Variants in FNDC3B observed in about 807,000 individuals in gnomAD.
FNDC3B encodes the protein fibronectin type III domain-containing protein 3B.
Under a neutral mutation model 151.5 loss-of-function variants are expected in FNDC3B, and 12 were observed. The ratio of observed to expected loss-of-function variants is 0.08; its 90% confidence interval spans 0.05 to 0.13. FNDC3B has a LOEUF of 0.13. FNDC3B is among the 10% of genes least tolerant of loss of function. FNDC3B has a pLI of 1.00. For missense variants in FNDC3B, 1,214 were observed against 1,505.3 expected (o/e 0.81, Z 3.20); for synonymous variants, 528 against 549.0 (o/e 0.96, Z 0.54).
At chr3:172,306,275 G>A (rs1487902254) in intron 9 of FNDC3B, among the ~76,000 whole-genome samples, 1 of 152,122 alleles carries the variant, frequency 6.6e-6, no homozygotes. Context: ...ATGAACAAGG[G>A]GAATAGGCAA....
chr3:172,258,961 G>A (rs748890850), intron 6 of FNDC3B, among the ~76,000 whole-genome samples: 3 of 152,166 alleles, frequency 2.0e-5, no homozygotes, highest in Non-Finnish European at 4.4e-5. Context: ...GCTGGAGTTG[G>A]CAGGGTTCTT....
At chr3:172,076,200 T>C (rs1250453164) in intron 1 of FNDC3B, among the ~76,000 whole-genome samples, 1 of 152,236 alleles carries the variant, frequency 6.6e-6, no homozygotes, top group Non-Finnish European at 1.5e-5. Context: ...GTCTTTCTTT[T>C]ATATTGTTTC....
chr3:172,111,930 T>A (rs1719993704), intron 1 of FNDC3B, among the ~76,000 whole-genome samples: 1 of 152,252 alleles, frequency 6.6e-6, no homozygotes, highest in Non-Finnish European at 1.5e-5. Context: ...TTTGTTCGTT[T>A]ATACTTCTTT....
At chr3:172,247,203 C>G (rs1055992136) in intron 4 of FNDC3B, among the ~76,000 whole-genome samples, 1 of 152,204 alleles carries the variant, frequency 6.6e-6, no homozygotes, top group Non-Finnish European at 1.5e-5. Context: ...TCAGTTTCAG[C>G]ACACATTAAA....
chr3:172,190,536 G>A (rs997434758), intron 3 of FNDC3B, among the ~76,000 whole-genome samples: 2 of 152,152 alleles, frequency 1.3e-5, no homozygotes, highest in African/African-American at 2.4e-5. Context: ...ATATTAAAAG[G>A]CTCAAGTGGA....
chr3:172,297,717 G>A (rs553335172), intron 8 of FNDC3B, among the ~76,000 whole-genome samples: 29 of 152,068 alleles, frequency 1.9e-4, no homozygotes, highest in East Asian at 1.2e-3. Flanking sequence ...CTCGTGATCC[G>A]CCCTCCTTGG....
chr3:172,247,908 G>A, intron 5 of FNDC3B, 132 bp downstream of exon 5: 1 of 959,440 alleles, frequency 1.0e-6, no homozygotes, highest in Non-Finnish European at 1.5e-6. Flanking sequence ...AGACTCATGG[G>A]GAATTCCTAG....
intron 9 of FNDC3B, among the ~76,000 whole-genome samples, chr3:172,304,900 A>G (rs1419584007): frequency 1.3e-5 from 2 of 151,434 alleles, no homozygotes; most frequent in African/African-American, 4.9e-5. Flanking sequence ...TCATCTGAAA[A>G]AAAAAAAAAA....
intron 23 of FNDC3B, among the ~76,000 whole-genome samples, chr3:172,372,781 G>A (rs1734944035): frequency 1.3e-5 from 2 of 152,084 alleles, no homozygotes; most frequent in African/African-American, 4.8e-5. Context: ...CAGAGTTTGG[G>A]GCCATTGGAT....
intron 14 of FNDC3B, among the ~76,000 whole-genome samples, chr3:172,333,613 T>C (rs1350394802): frequency 2.0e-5 from 3 of 151,112 alleles, no homozygotes; most frequent in African/African-American, 7.3e-5. Flanking sequence ...CAAAGTGCTG[T>C]GATTACAGGC....
Position 172,137,003 on chromosome 3 carries a change from G to A in FNDC3B, c.187+3457G>A, listed in dbSNP as rs555204249. Among the ~76,000 whole-genome samples the A allele has an allele frequency of 1.8e-3, 267 of 152,254 alleles. 2 individuals carry two copies. Among genetic ancestry groups the A allele is most frequent in the African/African-American group, 2.9e-3 (120 of 41,540 alleles). ...ACAGGCATGAGCCACCACATCCGGC[G>A]GTGTTTTTCTAAATTGAGGGGAAGG... On this transcript the variant is annotated intron_variant, in intron 3 of 25. Coordinates refer to ENST00000415807, the MANE Select transcript of FNDC3B (RefSeq NM_022763.4).
intron 1 of FNDC3B, among the ~76,000 whole-genome samples, chr3:172,054,366 C>T (rs751867090): frequency 1.3e-5 from 2 of 152,166 alleles, no homozygotes; most frequent in African/African-American, 4.8e-5. Flanking sequence ...AGCTGGCAAC[C>T]CTAAATGCGT....
At chr3:172,077,133 C>T (rs1344417643) in intron 1 of FNDC3B, among the ~76,000 whole-genome samples, 1 of 151,744 alleles carries the variant, frequency 6.6e-6, no homozygotes, top group Non-Finnish European at 1.5e-5. Flanking sequence ...GCATTTGAAA[C>T]AGATGGGAAT....
intron 13 of FNDC3B, among the ~76,000 whole-genome samples, 156 bp from the exon 14 acceptor site, chr3:172,332,933 T>C (rs1005059775): frequency 1.4e-4 from 22 of 152,228 alleles, no homozygotes; most frequent in African/African-American, 5.3e-4. Flanking sequence ...TCCACAATAC[T>C]CTGGGCTTCT....
chr3:172,076,152 G>T (rs1424215367), intron 1 of FNDC3B, among the ~76,000 whole-genome samples: 1 of 152,162 alleles, frequency 6.6e-6, no homozygotes, highest in East Asian at 1.9e-4. Flanking sequence ...GGTACCAGAA[G>T]AAATCTAATC....
intron 7 of FNDC3B, among the ~76,000 whole-genome samples, chr3:172,289,049 A>T: frequency 6.6e-6 from 1 of 152,244 alleles, no homozygotes; most frequent in Non-Finnish European, 1.5e-5. Flanking sequence ...TGAATGGCGT[A>T]AAACAGTACA....
chr3:172,205,696 A>G (rs950270794), intron 3 of FNDC3B, among the ~76,000 whole-genome samples: 2 of 152,192 alleles, frequency 1.3e-5, no homozygotes, highest in South Asian at 4.1e-4. Flanking sequence ...ATCATATCAT[A>G]TGGTTTTGGA....
intron 1 of FNDC3B, among the ~76,000 whole-genome samples, chr3:172,068,423 CTTTTTTT>C (rs11459544): frequency 1.6e-5 from 2 of 122,566 alleles, no homozygotes; most frequent in Admixed American, 1.8e-4. Flanking sequence ...TGTGAGGAGC[CTTTTTTT>C]TTTTTTTTTT....
In FNDC3B at chr3:172,369,950, A is replaced by G. The variant is rs534370354; in HGVS notation, c.3008+7105A>G. Among the ~76,000 whole-genome samples, 364 of 152,032 alleles carry G rather than the reference A, an allele frequency of 2.4e-3. 1 individual carries two copies. Among genetic ancestry groups the G allele is most frequent in the African/African-American group, 8.4e-3 (348 of 41,456 alleles). On this transcript the variant is annotated intron_variant, in intron 23 of 25. Transcript: ENST00000415807. The stretch of plus-strand genomic sequence containing the variant: ...CACATACACACAATCCATGGAGCCC[A>G]GGGAAATTAAGAAAAAAAAAAAGAC...
Sources: gnomAD v4.1 joint callset for allele counts (sites outside exome capture counted in the v4.1 genomes callset) on GRCh38, gnomAD v4.1.1 for gene constraint, MANE v1.5 for transcripts, NCBI Gene and HGNC (gene_info 2026-07-23, HGNC 2026-07-21) for gene names.